Variants in CAMTA2 observed in about 807,000 individuals in gnomAD.
CAMTA2 encodes calmodulin-binding transcription activator 2.
In CAMTA2, 56 loss-of-function variants were observed where a neutral mutation model predicts 135.7. The observed-to-expected ratio is 0.41, with a 90% CI of 0.33 to 0.52. The LOEUF (loss-of-function observed/expected upper bound fraction) is 0.52, where lower values mean the gene tolerates loss of function less well. Among genes scored for constraint, CAMTA2 ranks in the 20% least tolerant of loss-of-function variants. CAMTA2 has a pLI of 0.16. For missense variants in CAMTA2, 1,358 were observed against 1,553.4 expected (o/e 0.87, Z 2.11); for synonymous variants, 591 against 604.6 (o/e 0.98, Z 0.33).
intron 11 of CAMTA2, among the ~76,000 whole-genome samples, chr17:4,975,325 A>C (rs1972548489): frequency 6.6e-6 from 1 of 152,084 alleles, no homozygotes; most frequent in Non-Finnish European, 1.5e-5. Flanking sequence ...GAGGAGAGAG[A>C]GCAAAAAAGA....
intron 13 of CAMTA2, 94 bp from the exon 14 acceptor site, chr17:4,973,347 T>C (rs760735303): frequency 9.4e-7 from 1 of 1,059,084 alleles, no homozygotes; most frequent in Non-Finnish European, 1.5e-6. Flanking sequence ...AGGCAAGCTG[T>C]ACAGGGCCGG....
rs548119681 is a variant in CAMTA2, at chr17:4,980,963, C to T, written c.700+262G>A. Reference sequence around the variant, plus strand: ...TAGGAGGAAGGCTAAGGCTGGGTGTCACTGGTGGTGCTGAGGGGACAGGAA... The same window carrying T: ...TAGGAGGAAGGCTAAGGCTGGGTGTTACTGGTGGTGCTGAGGGGACAGGAA... On this transcript the variant is annotated intron_variant, in intron 8 of 22. Coordinates refer to ENST00000348066, the MANE Select transcript of CAMTA2 (RefSeq NM_015099.4). The surrounding 1 kb of genome is among the most constrained non-coding windows in gnomAD (Gnocchi z 5.3). Among the ~76,000 whole-genome samples, 1 of 152,246 alleles carries T rather than the reference C, an allele frequency of 6.6e-6. No individual in the cohort carries two copies. The highest frequency in any genetic ancestry group is 2.4e-5 in the African/African-American group (1 of 41,526).
intron 1 of CAMTA2, chr17:4,986,524 G>C: frequency 1.9e-6 from 1 of 527,474 alleles, no homozygotes; most frequent in Non-Finnish European, 3.3e-6. Flanking sequence ...TTGGGGTGGG[G>C]GAGCGGGGAG....
rs146486805 is a variant in CAMTA2 at position 4,978,495 on chromosome 17, T to C, written c.1765+9A>G. On this transcript the variant is annotated intron_variant, in intron 10 of 22. Transcript: ENST00000348066. Reference sequence around the variant, plus strand: ...CAGTCCCTCCCCCTACGGTTCCCAATCCTCATACCGGGACAGTAGCAGCGT... The same window carrying C: ...CAGTCCCTCCCCCTACGGTTCCCAACCCTCATACCGGGACAGTAGCAGCGT... 5.2e-4 allele frequency: 846 copies of C among 1,613,426 alleles called. No individual in the cohort carries two copies. Among genetic ancestry groups the C allele is most frequent in the Non-Finnish European group, 6.7e-4 (788 of 1,179,524 alleles).
At chr17:4,971,409 A>C (rs1972277111) in intron 16 of CAMTA2, among the ~76,000 whole-genome samples, 1 of 152,212 alleles carries the variant, frequency 6.6e-6, no homozygotes, top group South Asian at 2.1e-4. Context: ...GCAATGGCAC[A>C]GTCAGCTCAC....
At position 4,974,347 on chromosome 17, in the gene CAMTA2, C is replaced by T. The variant is rs778538831; in HGVS notation, c.2016+38G>A. 2.3e-6 allele frequency: 3 copies of T among 1,313,932 alleles called. No homozygotes were observed. In the East Asian group the frequency reaches 6.9e-5, roughly 30 times the overall value. The allele number at this position is 1,313,932 out of a possible 1,614,324, so 81.4% of individuals were successfully genotyped here. On this transcript the variant is annotated intron_variant, in intron 12 of 22. Transcript: ENST00000348066. ...TTTCTTTAGCTGTGTCCTCCCCCTGCTCCCCACCGTAGACCACCTCCCTCC... is the reference window on the plus strand; with the variant it reads ...TTTCTTTAGCTGTGTCCTCCCCCTGTTCCCCACCGTAGACCACCTCCCTCC...
intron 1 of CAMTA2, 140 bp downstream of exon 1, chr17:4,987,453 G>A (rs1973430650): frequency 5.8e-6 from 8 of 1,385,314 alleles, no homozygotes; most frequent in Non-Finnish European, 7.4e-6. Flanking sequence ...TGGCGCGGGG[G>A]AGGAGGACGG....
In CAMTA2 at chr17:4,985,982, T is replaced by G. The variant is rs1353459904; in HGVS notation, c.33A>C (p.Glu11Asp). 3 of 1,610,750 alleles carry G rather than the reference T, an allele frequency of 1.9e-6. No individual in the cohort carries two copies. In the East Asian group the frequency reaches 6.7e-5, roughly 36 times the overall value. Residue 11 changes from glutamate to aspartate, a missense_variant and splice_region_variant, in exon 3 of 23, where the codon GAA (glutamate) becomes GAC (aspartate). Physicochemically the swap from Glu to Asp is conservative, Grantham distance 45 (BLOSUM62 2). Transcript: ENST00000348066. MNTKDTTEVA[E>D]NSHHLKIFLP... ...GAAAGATCTTCAGGTGGTGGCTGTT[T>G]TCTAAAGGGAATTAGAAGGGAGGGT...
Position 4,978,531 on chromosome 17 carries a change from G to T in CAMTA2, c.1738C>A (p.Pro580Thr). Residue 580 changes from proline to threonine, a missense_variant, in exon 10 of 23, where the codon CCT becomes ACT. Physicochemically the swap from Pro to Thr is conservative, Grantham distance 38 (BLOSUM62 -1). Coordinates refer to ENST00000348066, the MANE Select transcript of CAMTA2 (RefSeq NM_015099.4). ...HIAVPASLVQPGVLRCYCPAH... is the reference protein window; with the variant it reads ...HIAVPASLVQTGVLRCYCPAH... ...GGACAGTAGCAGCGTAAGACACCAG[G>T]CTGGACAAGTGAGGCTGGCACTGCG... is the stretch of plus-strand genomic sequence containing the variant. 1 of 1,614,078 alleles carries T rather than the reference G, an allele frequency of 6.2e-7. No homozygotes were observed. The highest frequency in any genetic ancestry group is 1.3e-5 in the African/African-American group (1 of 75,036).
At position 4,980,743 on chromosome 17, in the gene CAMTA2, T is replaced by G; in HGVS notation, c.701-122A>C. ...TATAAACCAGAGGTGTAATACTGAT[T>G]GTAGCCACTGGGAGGCATCAGAAAT... On this transcript the variant is annotated intron_variant, in intron 8 of 22. Coordinates refer to ENST00000348066, the MANE Select transcript of CAMTA2 (RefSeq NM_015099.4). This position sits in a 1 kb window ranked among gnomAD's most constrained non-coding sequence, Gnocchi z 5.3. 1 of 729,568 alleles carries G rather than the reference T, an allele frequency of 1.4e-6. No individual in the cohort carries two copies. The highest frequency in any genetic ancestry group is 1.7e-5 in the South Asian group (1 of 58,512). 45.2% of individuals were successfully genotyped at this position (729,568 alleles called of 1,614,324 possible).
Position 4,985,937 on chromosome 17 carries a change from C to T in CAMTA2, c.78G>A (p.Glu26=), listed in dbSNP as rs766262346. The T allele has an allele frequency of 6.2e-7, 1 of 1,614,132 alleles. No individual in the cohort carries two copies. Among genetic ancestry groups the T allele is most frequent in the South Asian group, 1.1e-5 (1 of 91,078 alleles). ...LKIFLPKKLL[E]CLPRCPLLPP... is the part of the protein sequence containing the mutation. ...GCAGCAGCGGGCAGCGAGGAAGACA[C>T]TCCAGCAGCTTCTTGGGGAGAAAGA... Residue 26 remains glutamate (E), a synonymous_variant, in exon 3 of 23, where the codon GAG becomes GAA. Transcript: ENST00000348066.
At chr17:4,986,035 T>C in intron 2 of CAMTA2, 52 bp from the exon 3 acceptor site, 1 of 1,366,900 alleles carries the variant, frequency 7.3e-7, no homozygotes, top group Non-Finnish European at 1.0e-6. Flanking sequence ...GGCATCCCTG[T>C]GATAGTCCAA....
In CAMTA2 at chr17:4,978,586, G is replaced by C. The variant is rs746757485; in HGVS notation, c.1683C>G (p.Ala561=). The C allele has an allele frequency of 2.5e-6, 4 of 1,614,024 alleles. No individual in the cohort carries two copies. Among genetic ancestry groups the C allele is most frequent in the Non-Finnish European group, 3.4e-6 (4 of 1,179,978 alleles). The change falls in exon 10 of 23, where the codon GCC becomes GCG. Residue 561 remains alanine (A), a synonymous_variant. Transcript: ENST00000348066. ...GATCAAAGACACAGGAGTAATGCTC[G>C]GCGGCTTCGGTCCAAGGACCTGTGA... is the stretch of plus-strand genomic sequence containing the variant. ...VLITGPWTEA[A]EHYSCVFDHI...
In CAMTA2 at chr17:4,968,987, G is replaced by C; in HGVS notation, c.3471-6C>G. On this transcript the variant is annotated splice_polypyrimidine_tract_variant and splice_region_variant and intron_variant, in intron 21 of 22. Coordinates refer to ENST00000348066, the MANE Select transcript of CAMTA2 (RefSeq NM_015099.4). ...TCTTGGTGAGAAAGGAGCCTCTGGT[G>C]AAAGAAACAAAAGATGGACCTCACA... The C allele has an allele frequency of 6.2e-7, 1 of 1,613,820 alleles. No homozygotes were observed. Among genetic ancestry groups the C allele is most frequent in the Non-Finnish European group, 8.5e-7 (1 of 1,179,900 alleles).
chr17:4,969,458 T>C lies in CAMTA2; in HGVS notation c.3282+42A>G, dbSNP rs1972122290. ...GTAACCCACACACTCAAGGAAAGAC[T>C]GAATCATCACAGACCTCACACTCAG... On this transcript the variant is annotated intron_variant, in intron 20 of 22. Coordinates refer to ENST00000348066, the MANE Select transcript of CAMTA2 (RefSeq NM_015099.4). The surrounding 1 kb of genome is among the most constrained non-coding windows in gnomAD (Gnocchi z 5.6). The C allele has an allele frequency of 6.2e-7, 1 of 1,612,738 alleles. No individual in the cohort carries two copies. Among genetic ancestry groups the C allele is most frequent in the South Asian group, 1.1e-5 (1 of 91,060 alleles).
In CAMTA2 at chr17:4,972,425, G is replaced by A. The variant is rs1972350087; in HGVS notation, c.2615C>T (p.Ser872Phe). Residue 872 changes from serine (S) to phenylalanine (F), a missense_variant, in exon 16 of 23, where the codon TCT becomes TTT. Physicochemically the swap from Ser to Phe is radical, Grantham distance 155 (BLOSUM62 -2). Coordinates refer to ENST00000348066, the MANE Select transcript of CAMTA2 (RefSeq NM_015099.4). Reference sequence around the variant, plus strand: ...GGCCATGTCCTCCATAGTCATCTCAGAGGCTGGCAGAGGTGCAGGGGGGGG... The same window carrying A: ...GGCCATGTCCTCCATAGTCATCTCAAAGGCTGGCAGAGGTGCAGGGGGGGG... Reference protein sequence around the residue: ...GSPPPAPLPASEMTMEDMAPG... With the variant: ...GSPPPAPLPAFEMTMEDMAPG... 6.2e-7 allele frequency: 1 copy of A among 1,614,082 alleles called. No homozygotes were observed. Among genetic ancestry groups the A allele is most frequent in the Non-Finnish European group, 8.5e-7 (1 of 1,179,958 alleles).
In CAMTA2 at chr17:4,982,179, GGGT is replaced by G; in HGVS notation, c.340-22_340-20del. 2.4e-6 allele frequency: 2 copies of G among 840,166 alleles called. No individual in the cohort carries two copies. Among genetic ancestry groups the G allele is most frequent in the Non-Finnish European group, 3.9e-6 (2 of 506,896 alleles). The allele number at this position is 840,166 out of a possible 1,614,324, so 52.0% of individuals were successfully genotyped here. On this transcript the variant is annotated intron_variant, in intron 5 of 22. Transcript: ENST00000348066. Reference sequence around the variant, plus strand: ...AGAGACACTGCCAGGAGACAGGCTGGGGTGGGGGGAGGGCTAGTCTGCTCCCCA... The same window carrying G: ...AGAGACACTGCCAGGAGACAGGCTGGGGGGGGAGGGCTAGTCTGCTCCCCA...
intron 10 of CAMTA2, 105 bp downstream of exon 10, chr17:4,978,398 CA>C: frequency 7.7e-7 from 1 of 1,298,874 alleles, no homozygotes; most frequent in South Asian, 1.4e-5. Context: ...CTTGTGCTCT[CA>C]AAACAACCCA....
chr17:4,979,844 A>G lies in CAMTA2; in HGVS notation c.1478T>C (p.Val493Ala), dbSNP rs1388978862. 2.5e-6 allele frequency: 4 copies of G among 1,603,422 alleles called. No individual in the cohort carries two copies. The highest frequency in any genetic ancestry group is 3.4e-6 in the Non-Finnish European group (4 of 1,174,810). ...GRGEALFGGP[V>A]GASELEPFSL... is the part of the protein sequence containing the mutation. ...GAAGGGCTCCAGTTCACTGGCCCCA[A>G]CAGGTCCTCCAAACAAGGCCTCTCC... Residue 493 changes from valine (V) to alanine (A), a missense_variant, in exon 9 of 23, where the codon GTT (valine) becomes GCT (alanine). This residue lies in a region of CAMTA2 where 1,077 missense variants were observed against 1,127.5 expected (regional missense o/e 0.96). Coordinates refer to ENST00000348066, the MANE Select transcript of CAMTA2 (RefSeq NM_015099.4).
Sources: allele counts gnomAD v4.1 joint callset (sites outside exome capture counted in the v4.1 genomes callset), GRCh38; gene constraint gnomAD v4.1.1; regional missense constraint gnomAD v4.1.1; non-coding constraint Gnocchi (gnomAD v3.1); transcripts MANE v1.5; gene names NCBI Gene and HGNC (gene_info 2026-07-23, HGNC 2026-07-21).